Variants in GP2 observed in about 807,000 individuals in gnomAD.
GP2 encodes the protein pancreatic secretory granule membrane major glycoprotein GP2.
GP2 carries 58 observed loss-of-function variants against 60.8 expected under a neutral mutation model. The observed-to-expected ratio is 0.95, with a 90% CI of 0.77 to 1.19. The LOEUF (loss-of-function observed/expected upper bound fraction) is 1.19. Ranked by LOEUF, GP2 falls within the 50% of genes most tolerant of loss-of-function variation. The pLI is 0.00. For missense variants in GP2, 647 were observed against 667.4 expected (o/e 0.97, Z 0.34); for synonymous variants, 280 against 253.4 (o/e 1.10, Z -1.00).
chr16:20,319,314 G>A lies in GP2; in HGVS notation c.1007+306C>T, dbSNP rs527812647. 2.0e-5 allele frequency among the ~76,000 whole-genome samples: 3 copies of A among 152,282 alleles called. No homozygotes were observed. The East Asian group carries it at 5.8e-4, about 29-fold the overall frequency. ...TTGTTTAATACCTTTGTTCCTCAAG[G>A]TGAATGAACTTTGAACTTGTCCTGT... is the stretch of plus-strand genomic sequence containing the variant. On this transcript the variant is annotated intron_variant, in intron 6 of 10. Coordinates refer to ENST00000302555, the MANE Select transcript of GP2 (RefSeq NM_001502.4).
intron 7 of GP2, among the ~76,000 whole-genome samples, chr16:20,317,833 G>C (rs1964232881): frequency 6.6e-6 from 1 of 152,056 alleles, no homozygotes; most frequent in African/African-American, 2.4e-5. Flanking sequence ...TGTCAGCCGG[G>C]CATGTTTAAT....
chr16:20,315,732 G>A (rs1290873176), intron 9 of GP2, among the ~76,000 whole-genome samples: 1 of 152,188 alleles, frequency 6.6e-6, no homozygotes, highest in Non-Finnish European at 1.5e-5. Flanking sequence ...AGGATTAAGT[G>A]AATTGATGGA....
At chr16:20,320,041 C>T (rs1964304524) in intron 5 of GP2, among the ~76,000 whole-genome samples, 1 of 152,156 alleles carries the variant, frequency 6.6e-6, no homozygotes, top group South Asian at 2.1e-4. Flanking sequence ...CATCCCTCCC[C>T]CACCATCCCT....
intron 4 of GP2, among the ~76,000 whole-genome samples, chr16:20,321,063 T>C (rs200840523): frequency 6.6e-6 from 1 of 151,766 alleles, no homozygotes; most frequent in East Asian, 1.9e-4. Context: ...TTTTTTTTTT[T>C]TTTTTTAGAC....
Position 20,322,884 on chromosome 16 carries a change from C to A in GP2, c.631G>T (p.Asp211Tyr), listed in dbSNP as rs143098544. 1.3e-6 allele frequency: 2 copies of A among 1,597,692 alleles called. No homozygotes were observed. The highest frequency in any genetic ancestry group is 2.7e-5 in the African/African-American group (2 of 74,632). The part of the protein sequence containing the change: ...NSTWGCFCRQ[D>Y]LNSSDVHSLQ... ...AGCAGCTCACCAGAACTATTGAGGT[C>A]CTGTCTGCAGAAACAGCCCCAGGTG... is the stretch of plus-strand genomic sequence containing the variant. Residue 211 changes from aspartate (D) to tyrosine (Y), a missense_variant, in exon 4 of 11, where the codon GAC (aspartate) becomes TAC (tyrosine). Physicochemically the swap from Asp to Tyr is radical, Grantham distance 160. Transcript: ENST00000302555.
At chr16:20,316,567 T>C (rs1009096409) in intron 8 of GP2, among the ~76,000 whole-genome samples, 3 of 152,114 alleles carry the variant, frequency 2.0e-5, no homozygotes, top group South Asian at 2.1e-4. Context: ...GAGACTTACA[T>C]TAAAAAATGT....
Position 20,323,826 on chromosome 16 carries a change from T to A in GP2, c.525A>T (p.Arg175Ser). Reference sequence around the variant, plus strand: ...GGCTCTGCTGCTCACCTGTGCAGTATCTCAGATTACACCAGGGAGTGCCTT... The same window carrying A: ...GGCTCTGCTGCTCACCTGTGCAGTAACTCAGATTACACCAGGGAGTGCCTT... ...RLEGTPWCNL[R>S]YCTDPSTVED... The change falls in exon 3 of 11, where the codon AGA becomes AGT. Residue 175 changes from arginine (R) to serine (S), a missense_variant. Transcript: ENST00000302555. The A allele has an allele frequency of 6.2e-7, 1 of 1,609,204 alleles. No individual in the cohort carries two copies. The highest frequency in any genetic ancestry group is 2.2e-5 in the East Asian group (1 of 44,816).
intron 8 of GP2, 49 bp downstream of exon 8, chr16:20,317,164 C>T (rs772367150): frequency 2.2e-5 from 22 of 998,094 alleles, no homozygotes; most frequent in Non-Finnish European, 2.9e-5. Context: ...CTATCAGGTA[C>T]CAGGCTCCAT....
rs778136339 is a variant in GP2 at position 20,311,199 on chromosome 16, A to G, written c.*24T>C. On this transcript the variant is annotated 3_prime_UTR_variant, in exon 11 of 11. Coordinates refer to ENST00000302555, the MANE Select transcript of GP2 (RefSeq NM_001502.4). ...TGCCAGAGGGAAGAACACAAACTTC[A>G]AGGCCAGATGCTCAGCGGAGCTCTC... 3.9e-6 allele frequency: 6 copies of G among 1,549,462 alleles called. No individual in the cohort carries two copies. In the Admixed American group the frequency reaches 5.0e-5, roughly 13 times the overall value.
In GP2 at chr16:20,326,586, A is replaced by T. The variant is rs375763857; in HGVS notation, c.-36-119T>A. The T allele has an allele frequency of 1.1e-3, 832 of 754,620 alleles. 19 individuals are homozygous for T. The South Asian group carries it at 0.015, about 14-fold the overall frequency. 46.7% of individuals were successfully genotyped at this position (754,620 alleles called of 1,614,324 possible). Reference sequence around the variant, plus strand: ...TTCAAAGTAGGTGTGACTTATGGACAGATAGAGCGAGATAATGGGTGATAA... The same window carrying T: ...TTCAAAGTAGGTGTGACTTATGGACTGATAGAGCGAGATAATGGGTGATAA... On this transcript the variant is annotated intron_variant, in intron 1 of 10. Coordinates refer to ENST00000302555, the MANE Select transcript of GP2 (RefSeq NM_001502.4).
At chr16:20,320,210 C>T in intron 5 of GP2, 52 bp downstream of exon 5, 1 of 1,283,824 alleles carries the variant, frequency 7.8e-7, no homozygotes, top group Non-Finnish European at 1.1e-6. Flanking sequence ...TATGATAGGT[C>T]CCATCAGCCC....
At chr16:20,325,180 G>A (rs183622498) in intron 2 of GP2, among the ~76,000 whole-genome samples, 115 of 152,328 alleles carry the variant, frequency 7.5e-4, no homozygotes, top group African/African-American at 2.8e-3. Context: ...TGCTGGCTGG[G>A]TGACCTTGGC....
At chr16:20,316,585 A>G (rs1302303550) in intron 8 of GP2, among the ~76,000 whole-genome samples, 2 of 152,198 alleles carry the variant, frequency 1.3e-5, no homozygotes, top group Non-Finnish European at 2.9e-5. Flanking sequence ...TGTATGCAGA[A>G]GTTTTAGCAT....
At chr16:20,313,767 G>C (rs1006039015) in intron 10 of GP2, among the ~76,000 whole-genome samples, 1 of 152,204 alleles carries the variant, frequency 6.6e-6, no homozygotes, top group Non-Finnish European at 1.5e-5. Context: ...GGAGATATAA[G>C]GTGCCAGCTT....
chr16:20,311,341 A>T (rs1963990542), intron 10 of GP2, 60 bp from the exon 11 acceptor site: 1 of 1,018,174 alleles, frequency 9.8e-7, no homozygotes, highest in Non-Finnish European at 1.6e-6. Flanking sequence ...AGCAAACATA[A>T]GTTGGCCTCT....
chr16:20,318,530 T>A, intron 6 of GP2, 100 bp from the exon 7 acceptor site: 1 of 1,094,064 alleles, frequency 9.1e-7, no homozygotes. Context: ...ACACACATCT[T>A]GGATCCTTAA....
chr16:20,326,653 A>G (rs371717505), intron 1 of GP2, 186 bp from the exon 2 acceptor site: 13 of 547,420 alleles, frequency 2.4e-5, no homozygotes, highest in East Asian at 1.3e-4. Context: ...AGAGCTGGCT[A>G]GTACTGCAGA....
In GP2 at chr16:20,322,986, G is replaced by A. The variant is rs781503025; in HGVS notation, c.536-7C>T. ...TCCTCCACAGTGGATGGGTCTAGGT[G>A]ATGGGGCATGGAGAGAGAAGATCAG... On this transcript the variant is annotated splice_polypyrimidine_tract_variant and splice_region_variant and intron_variant, in intron 3 of 10. Coordinates refer to ENST00000302555, the MANE Select transcript of GP2 (RefSeq NM_001502.4). 6.6e-6 allele frequency: 10 copies of A among 1,513,918 alleles called. No homozygotes were observed. In the East Asian group the frequency reaches 1.8e-4, roughly 27 times the overall value. The allele number at this position is 1,513,918 out of a possible 1,614,324, so 93.8% of individuals were successfully genotyped here. A position where few individuals can be genotyped will look rare whatever the true frequency, so the allele number is the denominator to read the frequency against.
At chr16:20,316,133 T>C (rs1337569654) in intron 8 of GP2, 93 bp from the exon 9 acceptor site, 3 of 791,772 alleles carry the variant, frequency 3.8e-6, no homozygotes, top group East Asian at 2.6e-5. Context: ...GACCAAGAAC[T>C]GTGTCCAGAA....
Sources: gnomAD v4.1 joint callset for allele counts (sites outside exome capture counted in the v4.1 genomes callset) on GRCh38, gnomAD v4.1.1 for gene constraint, MANE v1.5 for transcripts, NCBI Gene and HGNC (gene_info 2026-07-23, HGNC 2026-07-21) for gene names.